Variants in FYTTD1 observed in about 807,000 individuals in gnomAD.
FYTTD1 encodes the protein forty-two-three domain containing 1.
FYTTD1 carries 22 observed loss-of-function variants against 40.9 expected under a neutral mutation model. The ratio of observed to expected loss-of-function variants is 0.54; its 90% CI spans 0.38 to 0.77. The LOEUF (loss-of-function observed/expected upper bound fraction) is 0.77, where lower values mean the gene tolerates loss of function less well. Ranked by LOEUF, FYTTD1 falls within the 30% of genes least tolerant of loss-of-function variation. The probability of loss-of-function intolerance (pLI) is 0.00; values close to 1 mark genes in which losing one functional copy is unlikely to be tolerated. For missense variants in FYTTD1, 351 were observed against 392.2 expected, an observed-to-expected ratio of 0.90 and a Z score of 0.89; for synonymous variants, 140 against 137.9, an observed-to-expected ratio of 1.01 and a Z score of -0.10.
intron 1 of FYTTD1, among the ~76,000 whole-genome samples, chr3:197,753,451 G>A (rs1729123291): frequency 6.6e-6 from 1 of 152,054 alleles, no homozygotes; most frequent in South Asian, 2.1e-4. Context: ...CACCACTGCT[G>A]CTACTGCTGC....
Position 197,760,246 on chromosome 3 carries a change from C to T in FYTTD1, c.235+3689C>T, listed in dbSNP as rs191117082. On this transcript the variant is annotated intron_variant, in intron 2 of 8. Coordinates refer to ENST00000241502, the MANE Select transcript of FYTTD1 (RefSeq NM_032288.7). ...ATAGAATTGTTCTTCAGTGGTAGAA[C>T]GTATAGAGTGTTCTTCAGTGGTAGA... Among the ~76,000 whole-genome samples the T allele has an allele frequency of 2.5e-3, 372 of 150,520 alleles. 2 individuals carry two copies. Among genetic ancestry groups the T allele is most frequent in the African/African-American group, 8.2e-3 (338 of 41,018 alleles).
intron 3 of FYTTD1, among the ~76,000 whole-genome samples, chr3:197,768,814 A>G (rs927257718): frequency 1.3e-5 from 2 of 152,164 alleles, no homozygotes; most frequent in African/African-American, 2.4e-5. Flanking sequence ...TTTTTTATAT[A>G]TAGAGTCTTG....
chr3:197,774,303 A>G (rs1729807553), intron 6 of FYTTD1, 93 bp downstream of exon 6: 4 of 1,046,230 alleles, frequency 3.8e-6, no homozygotes, highest in Admixed American at 2.0e-5. Flanking sequence ...GAAGAAATTA[A>G]TTGAAACCCA....
Position 197,784,551 on chromosome 3 carries a change from T to C in FYTTD1, c.*2642T>C, listed in dbSNP as rs1323078577. ...TGGCTCATGCCTGTAATCCCAGAAC[T>C]TGGGGAGGCCAAGGCGGGCGGATCA... On this transcript the variant is annotated 3_prime_UTR_variant, in exon 9 of 9. Transcript: ENST00000241502. 2 of 152,128 alleles carry C rather than the reference T, an allele frequency of 1.3e-5. No individual in the cohort carries two copies. The highest frequency in any genetic ancestry group is 2.9e-5 in the Non-Finnish European group (2 of 68,040). The allele number at this position is 152,128 out of a possible 1,614,324, so 9.4% of individuals were successfully genotyped here.
At chr3:197,749,570 C>T, upstream of FYTTD1, 3 of 1,290,188 alleles carry the variant, frequency 2.3e-6, no homozygotes, top group Non-Finnish European at 3.0e-6. Context: ...TCGTGTGTAC[C>T]GAAGTATAGG....
intron 4 of FYTTD1, 33 bp downstream of exon 4, chr3:197,770,277 G>A (rs1438941694): frequency 6.8e-6 from 9 of 1,324,986 alleles, no homozygotes; most frequent in Non-Finnish European, 8.6e-6. Context: ...GTGTTATTTT[G>A]CATTAAAAAC....
intron 1 of FYTTD1, among the ~76,000 whole-genome samples, chr3:197,752,667 T>C (rs1729097945): frequency 6.6e-6 from 1 of 152,138 alleles, no homozygotes; most frequent in African/African-American, 2.4e-5. Flanking sequence ...TGTATGTATA[T>C]ATGGCTTTGT....
chr3:197,751,705 A>G (rs1410963765), intron 1 of FYTTD1, among the ~76,000 whole-genome samples: 1 of 150,842 alleles, frequency 6.6e-6, no homozygotes, highest in Non-Finnish European at 1.5e-5. Flanking sequence ...GTAATAATGA[A>G]TATTTATTGA....
chr3:197,759,734 G>GAAT (rs1729317078), intron 2 of FYTTD1, among the ~76,000 whole-genome samples: 1 of 145,588 alleles, frequency 6.9e-6, no homozygotes, highest in African/African-American at 2.6e-5. Context: ...AACGTATAGC[G>GAAT]TGTTCTTCAG....
chr3:197,766,429 T>TA (rs768766750), intron 2 of FYTTD1, among the ~76,000 whole-genome samples: 2 of 17,496 alleles, frequency 1.1e-4, no homozygotes, highest in East Asian at 7.7e-3. Context: ...TGTTTGAGAC[T>TA]GGTGTGTGTG....
intron 2 of FYTTD1, chr3:197,763,430 A>G (rs915786431): frequency 1.1e-5 from 4 of 364,794 alleles, no homozygotes; most frequent in Non-Finnish European, 1.6e-5. Context: ...AAAAAAAAAA[A>G]GTTTTTATTT....
chr3:197,774,268 C>G, intron 6 of FYTTD1, 58 bp downstream of exon 6: 1 of 1,345,276 alleles, frequency 7.4e-7, no homozygotes, highest in Non-Finnish European at 1.1e-6. Context: ...TACTAACTAC[C>G]CAAATTATCA....
rs900384060 is a variant in FYTTD1 at position 197,781,749 on chromosome 3, G to A, written c.859-62G>A. On this transcript the variant is annotated intron_variant, in intron 8 of 8. Transcript: ENST00000241502. ...CACATTATTGTTCCAAAGCAAATAT[G>A]GCCTTCAGTAAAGTTGTTAATTGTT... 2.1e-5 allele frequency: 23 copies of A among 1,116,994 alleles called. No individual in the cohort carries two copies. In the Admixed American group the frequency reaches 2.1e-4, roughly 10 times the overall value. The allele number at this position is 1,116,994 out of a possible 1,614,324, so 69.2% of individuals were successfully genotyped here.
At position 197,781,757 on chromosome 3, in the gene FYTTD1, G is replaced by T. The variant is rs759385229; in HGVS notation, c.859-54G>T. Reference sequence around the variant, plus strand: ...TGTTCCAAAGCAAATATGGCCTTCAGTAAAGTTGTTAATTGTTGCTTTGTT... The same window carrying T: ...TGTTCCAAAGCAAATATGGCCTTCATTAAAGTTGTTAATTGTTGCTTTGTT... On this transcript the variant is annotated intron_variant, in intron 8 of 8. Coordinates refer to ENST00000241502, the MANE Select transcript of FYTTD1 (RefSeq NM_032288.7). 16 of 1,283,624 alleles carry T rather than the reference G, an allele frequency of 1.2e-5. No individual in the cohort carries two copies. The East Asian group carries it at 3.5e-4, about 28-fold the overall frequency. The allele number at this position is 1,283,624 out of a possible 1,614,324, so 79.5% of individuals were successfully genotyped here. A position where few individuals can be genotyped will look rare whatever the true frequency, so the allele number is the denominator to read the frequency against.
chr3:197,759,024 T>A (rs560805050), intron 2 of FYTTD1, among the ~76,000 whole-genome samples: 1 of 152,350 alleles, frequency 6.6e-6, no homozygotes, highest in South Asian at 2.1e-4. Context: ...TGTTCTTCAG[T>A]GGTAGAATGT....
In FYTTD1 at chr3:197,776,939, C is replaced by A; in HGVS notation, c.669C>A (p.Ser223=). 6.2e-7 allele frequency: 1 copy of A among 1,608,054 alleles called. No homozygotes were observed. The highest frequency in any genetic ancestry group is 8.5e-7 in the Non-Finnish European group (1 of 1,175,268). The change falls in exon 7 of 9, where the codon TCC becomes TCA. Residue 223 remains serine (S), a synonymous_variant. Coordinates refer to ENST00000241502, the MANE Select transcript of FYTTD1 (RefSeq NM_032288.7). ...VAKRTRQWRT[S]TTNGGILTVS... is the part of the protein sequence containing the mutation. ...TTTTTGAAACTAGATGGCGGACTTC[C>A]ACCACAAATGGAGGGATTTTGACTG...
At chr3:197,775,559 G>A (rs1039242725) in intron 6 of FYTTD1, among the ~76,000 whole-genome samples, 3 of 152,060 alleles carry the variant, frequency 2.0e-5, no homozygotes, top group Admixed American at 1.3e-4. Context: ...CCTTACAATC[G>A]GCCCTCCATA....
intron 1 of FYTTD1, among the ~76,000 whole-genome samples, chr3:197,751,619 G>A (rs1209081481): frequency 6.6e-6 from 1 of 151,970 alleles, no homozygotes; most frequent in African/African-American, 2.4e-5. Context: ...GCGGCAGAGC[G>A]AGACCCTGTC....
At chr3:197,777,854 A>C (rs544819761) in intron 7 of FYTTD1, among the ~76,000 whole-genome samples, 29 of 152,184 alleles carry the variant, frequency 1.9e-4, no homozygotes, top group Admixed American at 1.8e-3. Flanking sequence ...AGCTGGGAAC[A>C]TAGGCATGCA....
Sources: gnomAD v4.1 joint callset for allele counts (sites outside exome capture counted in the v4.1 genomes callset) on GRCh38, gnomAD v4.1.1 for gene constraint, MANE v1.5 for transcripts, NCBI Gene and HGNC (gene_info 2026-07-23, HGNC 2026-07-21) for gene names.